The following PIP5K1C variants were observed in gnomAD, a reference collection of about 807,000 sequenced individuals.
The protein encoded by PIP5K1C is phosphatidylinositol-4-phosphate 5-kinase type 1 gamma.
In PIP5K1C, 45 loss-of-function variants were observed where a neutral mutation model predicts 80.1. The ratio of observed to expected loss-of-function variants is 0.56; its 90% CI spans 0.44 to 0.72. PIP5K1C has a LOEUF of 0.72. Ranked by LOEUF, PIP5K1C falls within the 30% of genes least tolerant of loss-of-function variation. The pLI is 0.00. For synonymous variants in PIP5K1C, 498 were observed against 420.1 expected (o/e 1.19, Z -2.27); for missense variants, 753 against 954.6 (o/e 0.79, Z 2.78).
intron 6 of PIP5K1C, 151 bp downstream of exon 6, chr19:3,656,254 G>A: frequency 1.3e-6 from 1 of 797,424 alleles, no homozygotes; most frequent in Admixed American, 2.1e-5. Flanking sequence ...CCTGACGGGG[G>A]ACCCCCGAGG....
chr19:3,631,527 G>A lies in PIP5K1C; in HGVS notation c.*1640C>T, dbSNP rs1191914249. 5 of 152,274 alleles carry A rather than the reference G, an allele frequency of 3.3e-5. No individual in the cohort carries two copies. In the East Asian group the frequency reaches 9.7e-4, roughly 29 times the overall value. The allele number at this position is 152,274 out of a possible 1,614,324, so 9.4% of individuals were successfully genotyped here. A position where few individuals can be genotyped will look rare whatever the true frequency, so the allele number is the denominator to read the frequency against. Reference sequence around the variant, plus strand: ...ACAGACCCTCTGAGCACGCAGGGAGGACCCCACGTGGGCTTGTCCTGATGG... The same window carrying A: ...ACAGACCCTCTGAGCACGCAGGGAGAACCCCACGTGGGCTTGTCCTGATGG... On this transcript the variant is annotated 3_prime_UTR_variant, in exon 18 of 18. Coordinates refer to ENST00000335312, the MANE Select transcript of PIP5K1C (RefSeq NM_012398.3).
In PIP5K1C at chr19:3,645,993, C is replaced by T. The variant is rs143437164; in HGVS notation, c.1326G>A (p.Thr442=). ...AERFFKFMSN[T]VFRKNSSLKS... ...GCTTACAGGAGTTCTTCCGAAAGAC[C>T]GTGTTGCTCATGAACTTGAAAAAGC... is the stretch of plus-strand genomic sequence containing the variant. Residue 442 remains threonine (T), a synonymous_variant, in exon 11 of 18, where the codon ACG becomes ACA. Coordinates refer to ENST00000335312, the MANE Select transcript of PIP5K1C (RefSeq NM_012398.3). 93 of 1,613,030 alleles carry T rather than the reference C, an allele frequency of 5.8e-5. No homozygotes were observed. The African/African-American group carries it at 1.0e-3, about 18-fold the overall frequency.
chr19:3,643,354 G>A lies in PIP5K1C; in HGVS notation c.1538C>T (p.Pro513Leu), dbSNP rs1310086743. 2 of 1,613,802 alleles carry A rather than the reference G, an allele frequency of 1.2e-6. No homozygotes were observed. The highest frequency in any genetic ancestry group is 8.5e-7 in the Non-Finnish European group (1 of 1,179,954). ...TGTAGTGGCTTCTTCGAAAGAAGGT[G>A]GCGTGCAGGGCAGGAGGTCGGGCCG... Reference protein sequence around the residue: ...EGRPDLLPCTPPSFEEATTAS... With the variant: ...EGRPDLLPCTLPSFEEATTAS... The change falls in exon 13 of 18, where the codon CCA becomes CTA. Residue 513 changes from proline (P) to leucine (L), a missense_variant. Physicochemically the swap from Pro to Leu is moderately conservative, Grantham distance 98. Coordinates refer to ENST00000335312, the MANE Select transcript of PIP5K1C (RefSeq NM_012398.3).
intron 1 of PIP5K1C, among the ~76,000 whole-genome samples, chr19:3,682,345 G>C (rs183728662): frequency 7.4e-5 from 11 of 147,896 alleles, no homozygotes; most frequent in African/African-American, 2.5e-4. Context: ...CTGCATTCCA[G>C]CCTGGACAAC....
chr19:3,668,771 T>C (rs1195470986), intron 1 of PIP5K1C, among the ~76,000 whole-genome samples: 1 of 151,892 alleles, frequency 6.6e-6, no homozygotes, highest in African/African-American at 2.4e-5. Flanking sequence ...GGGGTGCGGA[T>C]CAGCAAGGGG....
At chr19:3,647,030 ATGG>A in intron 10 of PIP5K1C, among the ~76,000 whole-genome samples, 1 of 93,534 alleles carries the variant, frequency 1.1e-5, no homozygotes, top group African/African-American at 4.2e-5. Flanking sequence ...GGGAGGAGGG[ATGG>A]GAGGAGGGGT....
In PIP5K1C at chr19:3,637,526, G is replaced by C. The variant is rs544837574; in HGVS notation, c.1920+1358C>G. On this transcript the variant is annotated intron_variant, in intron 16 of 17. Coordinates refer to ENST00000335312, the MANE Select transcript of PIP5K1C (RefSeq NM_012398.3). The surrounding 1 kb of genome is among the most constrained non-coding windows in gnomAD (Gnocchi z 7.0). ...CCTTCTCCCCAGGGTGGCCGGCTGCGGTCACTTACAGTCCCCGAGGCGCTC... is the reference window on the plus strand; with the variant it reads ...CCTTCTCCCCAGGGTGGCCGGCTGCCGTCACTTACAGTCCCCGAGGCGCTC... The C allele has an allele frequency of 6.5e-7, 1 of 1,535,364 alleles. No individual in the cohort carries two copies. The highest frequency in any genetic ancestry group is 1.4e-5 in the African/African-American group (1 of 72,978).
intron 2 of PIP5K1C, among the ~76,000 whole-genome samples, chr19:3,666,715 A>G (rs1475735361): frequency 6.6e-6 from 1 of 152,018 alleles, no homozygotes; most frequent in African/African-American, 2.4e-5. Flanking sequence ...AAGCAAAAAT[A>G]GATGCACACA....
intron 13 of PIP5K1C, 133 bp downstream of exon 13, chr19:3,643,110 G>C: frequency 6.8e-7 from 1 of 1,469,092 alleles, no homozygotes; most frequent in Non-Finnish European, 9.4e-7. Flanking sequence ...CCCACATGCA[G>C]TGTATGTACA....
intron 1 of PIP5K1C, among the ~76,000 whole-genome samples, chr19:3,671,255 G>C (rs923467753): frequency 6.6e-6 from 1 of 152,208 alleles, no homozygotes; most frequent in Non-Finnish European, 1.5e-5. Context: ...CAGTGGCCCC[G>C]ATGCTGAGAG....
intron 1 of PIP5K1C, among the ~76,000 whole-genome samples, chr19:3,697,959 A>G (rs1430806395): frequency 6.6e-6 from 1 of 152,234 alleles, no homozygotes; most frequent in Non-Finnish European, 1.5e-5. Context: ...GAGGAACCAA[A>G]TTCTAAACAC....
chr19:3,698,334 C>T (rs893070387), intron 1 of PIP5K1C, among the ~76,000 whole-genome samples: 2 of 152,358 alleles, frequency 1.3e-5, no homozygotes, highest in South Asian at 2.1e-4. Context: ...GGGGAAGTGA[C>T]GGCCACACAG....
chr19:3,665,043 G>A (rs2034964601), intron 2 of PIP5K1C, 129 bp from the exon 3 acceptor site: 1 of 783,230 alleles, frequency 1.3e-6, no homozygotes, highest in African/African-American at 1.7e-5. Context: ...CAGGGGGCAG[G>A]TCCAGGCGAC....
intron 10 of PIP5K1C, 22 bp downstream of exon 10, chr19:3,647,316 G>A: frequency 6.4e-7 from 1 of 1,560,042 alleles, no homozygotes; most frequent in Non-Finnish European, 8.7e-7. Flanking sequence ...AGGAGGAATG[G>A]GAGGAGGGTG....
chr19:3,668,671 A>G (rs7258618), intron 1 of PIP5K1C, among the ~76,000 whole-genome samples: 31,452 of 152,132 alleles, frequency 0.21, 3,629 homozygotes, highest in African/African-American at 0.3. Context: ...TCCACCATGC[A>G]GGCCTGGGGA....
rs1568313245 is a variant in PIP5K1C at position 3,641,852 on chromosome 19, TC to T, written c.1683-44del. On this transcript the variant is annotated intron_variant, in intron 14 of 17. Coordinates refer to ENST00000335312, the MANE Select transcript of PIP5K1C (RefSeq NM_012398.3). ...TTGTGCCTCGGTTTCCCTCCTCACT[TC>T]CCCCATCCTACCCCCAGGAGTGCCC... 6 of 1,499,142 alleles carry T rather than the reference TC, an allele frequency of 4.0e-6. No individual in the cohort carries two copies. The South Asian group carries it at 5.7e-5, about 14-fold the overall frequency. 92.9% of individuals were successfully genotyped at this position (1,499,142 alleles called of 1,614,324 possible). A position where few individuals can be genotyped will look rare whatever the true frequency, so the allele number is the denominator to read the frequency against.
intron 1 of PIP5K1C, among the ~76,000 whole-genome samples, chr19:3,683,582 G>A (rs781296056): frequency 1.3e-5 from 2 of 152,224 alleles, no homozygotes; most frequent in South Asian, 2.1e-4. Context: ...ATGCAGAGGC[G>A]GAAACTGAGG....
intron 13 of PIP5K1C, 150 bp downstream of exon 13, chr19:3,643,093 C>CCA (rs2034041875): frequency 2.7e-6 from 4 of 1,475,242 alleles, no homozygotes; most frequent in Admixed American, 3.5e-5. Context: ...TGCTCCGCCC[C>CCA]CGCGCACCCA....
chr19:3,687,165 C>G (rs1433534716), intron 1 of PIP5K1C, among the ~76,000 whole-genome samples: 1 of 152,124 alleles, frequency 6.6e-6, no homozygotes, highest in Non-Finnish European at 1.5e-5. Context: ...TGCACTCCAG[C>G]CTGGGTGAAA....
Sources: gnomAD v4.1 joint callset for allele counts (sites outside exome capture counted in the v4.1 genomes callset) on GRCh38, gnomAD v4.1.1 for gene constraint, Gnocchi (gnomAD v3.1) non-coding constraint, MANE v1.5 for transcripts, NCBI Gene and HGNC (gene_info 2026-07-23, HGNC 2026-07-21) for gene names.